The following AGBL4 variants were observed in gnomAD, a reference collection of about 807,000 sequenced individuals.
The protein encoded by AGBL4 is AGBL carboxypeptidase 4, also known as cytosolic carboxypeptidase 6.
AGBL4 carries 58 observed loss-of-function variants against 66.4 expected under a neutral mutation model. The ratio of observed to expected loss-of-function variants is 0.87; its 90% CI spans 0.71 to 1.09. AGBL4 has a LOEUF of 1.09. AGBL4 is among the 50% of genes least tolerant of loss of function. The pLI, the probability that AGBL4 is intolerant of heterozygous loss-of-function variation, is 0.00. For missense variants in AGBL4, 579 were observed against 631.0 expected (o/e 0.92, Z 0.88); for synonymous variants, 234 against 222.9 (o/e 1.05, Z -0.44).
At chr1:48,787,805 C>T (rs1046544291) in intron 6 of AGBL4, among the ~76,000 whole-genome samples, 62 of 152,302 alleles carry the variant, frequency 4.1e-4, no homozygotes, top group South Asian at 2.1e-4. Flanking sequence ...GAGAAAGATG[C>T]ACACAGGTGC....
intron 1 of AGBL4, among the ~76,000 whole-genome samples, chr1:49,984,974 G>A (rs543580311): frequency 1.4e-4 from 22 of 152,202 alleles, no homozygotes; most frequent in East Asian, 5.8e-4. Context: ...AGAAGTCATC[G>A]GATAAGGCAA....
At chr1:49,325,106 T>A (rs1456365190) in intron 3 of AGBL4, among the ~76,000 whole-genome samples, 1 of 152,170 alleles carries the variant, frequency 6.6e-6, no homozygotes, top group Non-Finnish European at 1.5e-5. Context: ...CACTGCAAGC[T>A]CCACCTCCTG....
chr1:49,746,597 T>C (rs1651004796), intron 2 of AGBL4, among the ~76,000 whole-genome samples: 1 of 152,028 alleles, frequency 6.6e-6, no homozygotes, highest in Admixed American at 6.6e-5. Context: ...CACCATGACA[T>C]TGTGTGGGAA....
intron 2 of AGBL4, among the ~76,000 whole-genome samples, chr1:49,703,267 A>G (rs2124633087): frequency 6.6e-6 from 1 of 152,174 alleles, no homozygotes; most frequent in Middle Eastern, 3.4e-3. Flanking sequence ...CCATATACAA[A>G]ATCAATTGTA....
At chr1:48,710,600 A>C (rs908645050) in intron 6 of AGBL4, among the ~76,000 whole-genome samples, 1 of 152,170 alleles carries the variant, frequency 6.6e-6, no homozygotes, top group Non-Finnish European at 1.5e-5. Context: ...AGCAGGAGAA[A>C]GACTGGTTAG....
At chr1:48,704,501 T>C (rs1361792141) in intron 6 of AGBL4, among the ~76,000 whole-genome samples, 2 of 152,256 alleles carry the variant, frequency 1.3e-5, no homozygotes, top group East Asian at 3.8e-4. Flanking sequence ...TGTACTCCTG[T>C]ACAAAAATAC....
intron 4 of AGBL4, among the ~76,000 whole-genome samples, chr1:49,050,838 T>C (rs1644195807): frequency 6.6e-6 from 1 of 152,100 alleles, no homozygotes; most frequent in Non-Finnish European, 1.5e-5. Flanking sequence ...AGTACAATAC[T>C]TGGCCTTAAA....
chr1:49,224,346 G>A (rs761028803), intron 4 of AGBL4, among the ~76,000 whole-genome samples: 6 of 152,006 alleles, frequency 3.9e-5, no homozygotes, highest in African/African-American at 9.7e-5. Flanking sequence ...GGCCGGACGC[G>A]GTGACTTATG....
At chr1:49,279,821 G>A (rs1341797524) in intron 3 of AGBL4, among the ~76,000 whole-genome samples, 2 of 152,074 alleles carry the variant, frequency 1.3e-5, no homozygotes, top group Non-Finnish European at 2.9e-5. Context: ...CTAACCTTGG[G>A]GGACATTTAG....
chr1:48,959,847 A>C (rs188108694), intron 5 of AGBL4, among the ~76,000 whole-genome samples: 162 of 152,320 alleles, frequency 1.1e-3, no homozygotes, highest in African/African-American at 3.8e-3. Flanking sequence ...TAGATCAATG[A>C]GGTAGGAGGT....
intron 3 of AGBL4, among the ~76,000 whole-genome samples, chr1:49,311,573 CATAA>C (rs1271061741): frequency 1.3e-5 from 2 of 151,884 alleles, no homozygotes; most frequent in Non-Finnish European, 2.9e-5. Context: ...GAAGCATTTA[CATAA>C]ATAAAGTTAT....
At chr1:48,921,480 A>T (rs562724458) in intron 5 of AGBL4, among the ~76,000 whole-genome samples, 1 of 152,326 alleles carries the variant, frequency 6.6e-6, no homozygotes, top group Admixed American at 6.5e-5. Flanking sequence ...CTCTGGCTCA[A>T]ATTACACCTT....
chr1:48,945,905 G>T (rs537644503), intron 5 of AGBL4, among the ~76,000 whole-genome samples: 2 of 152,270 alleles, frequency 1.3e-5, no homozygotes, highest in South Asian at 2.1e-4. Context: ...GGCATTATGA[G>T]AATTCAATGA....
intron 1 of AGBL4, among the ~76,000 whole-genome samples, chr1:49,870,387 AAAT>A (rs1397278532): frequency 2.6e-5 from 4 of 152,136 alleles, no homozygotes; most frequent in Non-Finnish European, 4.4e-5. Flanking sequence ...ATCAACAACA[AAAT>A]AATAATAACT....
chr1:49,297,031 T>TATG (rs1644657011), intron 3 of AGBL4, among the ~76,000 whole-genome samples: 1 of 152,212 alleles, frequency 6.6e-6, no homozygotes, highest in Non-Finnish European at 1.5e-5. Flanking sequence ...CTGCCTATGC[T>TATG]CAAGGCCAAA....
chr1:48,728,697 A>C (rs1647610068), intron 6 of AGBL4, among the ~76,000 whole-genome samples: 1 of 152,216 alleles, frequency 6.6e-6, no homozygotes, highest in Non-Finnish European at 1.5e-5. Flanking sequence ...ATTCTCCAGT[A>C]TCAGCCTAGG....
chr1:48,556,261 T>G (rs889721717), intron 11 of AGBL4, among the ~76,000 whole-genome samples: 5 of 152,120 alleles, frequency 3.3e-5, no homozygotes, highest in Non-Finnish European at 7.4e-5. Flanking sequence ...CAGAATATGT[T>G]TTCTCTGGAA....
chr1:49,139,840 T>C (rs1480125212), intron 4 of AGBL4, among the ~76,000 whole-genome samples: 1 of 152,204 alleles, frequency 6.6e-6, no homozygotes, highest in Non-Finnish European at 1.5e-5. Flanking sequence ...ATAGCAATGA[T>C]GCAACAATCT....
intron 6 of AGBL4, among the ~76,000 whole-genome samples, chr1:48,752,559 G>A (rs1172944183): frequency 6.6e-6 from 1 of 152,174 alleles, no homozygotes; most frequent in Non-Finnish European, 1.5e-5. Context: ...ATCCAGGGTT[G>A]ACCAAAGATT....
Sources: gnomAD v4.1 joint callset for allele counts (sites outside exome capture counted in the v4.1 genomes callset) on GRCh38, gnomAD v4.1.1 for gene constraint, MANE v1.5 for transcripts, NCBI Gene and HGNC (gene_info 2026-07-23, HGNC 2026-07-21) for gene names.